Variants in KCTD2 observed in about 807,000 individuals in gnomAD.
KCTD2 encodes BTB/POZ domain-containing protein KCTD2.
KCTD2 carries 18 observed loss-of-function variants against 27.9 expected under a neutral mutation model. That is an observed-to-expected ratio of 0.64 (90% CI 0.45 to 0.96). The LOEUF (loss-of-function observed/expected upper bound fraction) is 0.96. KCTD2 is among the 40% of genes least tolerant of loss of function. The pLI is 0.00. For missense variants in KCTD2, 280 were observed against 348.0 expected (o/e 0.80, Z 1.56); for synonymous variants, 175 against 148.4 (o/e 1.18, Z -1.30).
intron 2 of KCTD2, 111 bp from the exon 3 acceptor site, chr17:75,052,903 G>A (rs2073304016): frequency 3.6e-6 from 3 of 826,416 alleles, no homozygotes; most frequent in East Asian, 2.6e-5. Context: ...CAAAAAATAA[G>A]TAAATAAATA....
chr17:75,047,964 A>C (rs2073245199), intron 1 of KCTD2, among the ~76,000 whole-genome samples: 1 of 152,036 alleles, frequency 6.6e-6, no homozygotes, highest in Non-Finnish European at 1.5e-5. Flanking sequence ...CCGGTGCCAG[A>C]TGCATCCAGA....
chr17:75,055,845 A>G (rs1455452422), intron 3 of KCTD2, among the ~76,000 whole-genome samples: 2 of 149,832 alleles, frequency 1.3e-5, no homozygotes, highest in African/African-American at 4.9e-5. Flanking sequence ...AAAAAAAAAA[A>G]GAAAGAAAGA....
Position 75,053,021 on chromosome 17 carries a change from G to A in KCTD2, c.456G>A (p.Leu152=). 6.2e-7 allele frequency: 1 copy of A among 1,614,024 alleles called. No homozygotes were observed. Among genetic ancestry groups the A allele is most frequent in the Non-Finnish European group, 8.5e-7 (1 of 1,179,868 alleles). ...GTTTTGTCCTTGTTCCAGGTGTGCT[G>A]GAGGAAGCGGAGTTTTACAACATCG... ...ITKELAEEGV[L]EEAEFYNIAS... The change falls in exon 3 of 6, where the codon CTG becomes CTA. Residue 152 remains leucine (L), a synonymous_variant. Transcript: ENST00000322444.
intron 3 of KCTD2, 61 bp from the exon 4 acceptor site, chr17:75,059,448 TG>T (rs2144939807): frequency 8.8e-7 from 1 of 1,132,594 alleles, no homozygotes; most frequent in Non-Finnish European, 1.3e-6. Flanking sequence ...AGAGCCTCCT[TG>T]GGGCAGCTGC....
At chr17:75,057,239 C>T (rs1182185361) in intron 3 of KCTD2, among the ~76,000 whole-genome samples, 5 of 152,076 alleles carry the variant, frequency 3.3e-5, no homozygotes, top group South Asian at 2.1e-4. Context: ...CAGGCGTGAG[C>T]AACCATACCC....
Position 75,032,676 on chromosome 17 carries a change from C to CAAGAGGA in KCTD2, c.-518_-517insAAGAGGA. On this transcript the variant is annotated 5_prime_UTR_variant, in exon 1 of 8. Transcript: ENST00000581589. This position sits in a 1 kb window ranked among gnomAD's most constrained non-coding sequence, Gnocchi z 4.8. ...GAGGTTAGAGCTGTAAGATCCAAGA[C>CAAGAGGA]CCAGGGAGACAAGAGGACCCTGGGG... 1 of 152,294 alleles carries CAAGAGGA rather than the reference C, an allele frequency of 6.6e-6. No individual in the cohort carries two copies. Among genetic ancestry groups the CAAGAGGA allele is most frequent in the Non-Finnish European group, 1.5e-5 (1 of 68,124 alleles). The allele number at this position is 152,294 out of a possible 1,614,324, so 9.4% of individuals were successfully genotyped here.
chr17:75,033,330 T>G (rs925291605), intron 1 of KCTD2, among the ~76,000 whole-genome samples: 3 of 152,026 alleles, frequency 2.0e-5, no homozygotes, highest in Non-Finnish European at 4.4e-5. Context: ...AATGTGCTTA[T>G]TCTTTGTTAG....
chr17:75,055,403 A>C (rs1290230641), intron 3 of KCTD2, among the ~76,000 whole-genome samples: 1 of 151,408 alleles, frequency 6.6e-6, no homozygotes, highest in African/African-American at 2.4e-5. Context: ...TTTCTATGTT[A>C]GATTTCATAT....
At chr17:75,034,603 C>T (rs1041340746) in intron 2 of KCTD2, among the ~76,000 whole-genome samples, 55 of 152,272 alleles carry the variant, frequency 3.6e-4, no homozygotes, top group African/African-American at 1.2e-3. Flanking sequence ...CCTGAGAAGC[C>T]ATGGGGACGA....
At chr17:75,058,580 A>T (rs2073372764) in intron 3 of KCTD2, among the ~76,000 whole-genome samples, 1 of 151,290 alleles carries the variant, frequency 6.6e-6, no homozygotes, top group Non-Finnish European at 1.5e-5. Context: ...CAGGTGGATC[A>T]TGAGGTCAGG....
At chr17:75,042,377 C>T, upstream of KCTD2, 1 of 1,497,742 alleles carries the variant, frequency 6.7e-7, no homozygotes, top group African/African-American at 1.4e-5. Flanking sequence ...GGAGGGTCAC[C>T]ACACTTTCCT....
chr17:75,042,896 AAGAC>A (rs1437842810), upstream of KCTD2, among the ~76,000 whole-genome samples: 8 of 151,900 alleles, frequency 5.3e-5, no homozygotes, highest in African/African-American at 1.9e-4. Flanking sequence ...AAAAGAAAAA[AAGAC>A]AGTGTAGCTT....
At chr17:75,054,869 A>T (rs888842369) in intron 3 of KCTD2, among the ~76,000 whole-genome samples, 7 of 151,842 alleles carry the variant, frequency 4.6e-5, no homozygotes, top group African/African-American at 1.7e-4. Flanking sequence ...CTTTCATGCG[A>T]TTAGACTGTT....
upstream of KCTD2, chr17:75,042,288 G>A: frequency 6.2e-7 from 1 of 1,613,020 alleles, no homozygotes; most frequent in Non-Finnish European, 8.5e-7. Flanking sequence ...CTGCCCACAA[G>A]GAAAGGCAAA....
rs2073421917 is a variant in KCTD2, at chr17:75,063,148, C to T, written c.*101C>T. ...GTCCAGTGACCGAGCCACTGCAAAGCACAGCTGATCCTGGCCCCCTGTGAA... is the reference window on the plus strand; with the variant it reads ...GTCCAGTGACCGAGCCACTGCAAAGTACAGCTGATCCTGGCCCCCTGTGAA... On this transcript the variant is annotated 3_prime_UTR_variant, in exon 6 of 6. Coordinates refer to ENST00000322444, the MANE Select transcript of KCTD2 (RefSeq NM_015353.3). 2.7e-6 allele frequency: 3 copies of T among 1,113,236 alleles called. No individual in the cohort carries two copies. The highest frequency in any genetic ancestry group is 1.4e-6 in the Non-Finnish European group (1 of 734,448). The allele number at this position is 1,113,236 out of a possible 1,614,324, so 69.0% of individuals were successfully genotyped here.
intron 3 of KCTD2, among the ~76,000 whole-genome samples, chr17:75,035,616 G>C (rs1049387387): frequency 1.3e-5 from 2 of 152,102 alleles, no homozygotes; most frequent in African/African-American, 4.8e-5. Context: ...GTCAAAGTTC[G>C]AGACCCGCCT....
chr17:75,061,911 C>G (rs544488718), intron 4 of KCTD2, among the ~76,000 whole-genome samples: 12 of 152,124 alleles, frequency 7.9e-5, no homozygotes, highest in African/African-American at 2.9e-4. Flanking sequence ...AGCTCATACT[C>G]TTCCTCCTGG....
intron 3 of KCTD2, among the ~76,000 whole-genome samples, chr17:75,037,163 T>C (rs1044807910): frequency 4.0e-5 from 6 of 151,842 alleles, no homozygotes; most frequent in Non-Finnish European, 8.8e-5. Flanking sequence ...CCTAACACGA[T>C]GAAACCCCGT....
chr17:75,054,349 C>G (rs972852037), intron 3 of KCTD2, among the ~76,000 whole-genome samples: 1 of 152,016 alleles, frequency 6.6e-6, no homozygotes, highest in Non-Finnish European at 1.5e-5. Flanking sequence ...GTAACAAGAG[C>G]GAAAGGGAAT....
Sources: allele counts gnomAD v4.1 joint callset (sites outside exome capture counted in the v4.1 genomes callset), GRCh38; gene constraint gnomAD v4.1.1; non-coding constraint Gnocchi (gnomAD v3.1); transcripts MANE v1.5; gene names NCBI Gene and HGNC (gene_info 2026-07-23, HGNC 2026-07-21).